The following HMCN1 variants were observed in gnomAD, a reference collection of about 807,000 sequenced individuals.
The protein encoded by HMCN1 is hemicentin 1, also known as hemicentin-1.
In HMCN1, 321 loss-of-function variants were observed where a neutral mutation model predicts 625.9. The observed-to-expected ratio is 0.51, with a 90% CI of 0.47 to 0.56. The LOEUF is 0.56. Among genes scored for constraint, HMCN1 ranks in the 20% least tolerant of loss-of-function variants. HMCN1 has a pLI of 0.00. For synonymous variants in HMCN1, 2,425 were observed against 2,417.6 expected (o/e 1.00, Z -0.09); for missense variants, 6,588 against 6,887.3 (o/e 0.96, Z 1.54).
chr1:185,988,452 A>C (rs531882219), intron 20 of HMCN1, among the ~76,000 whole-genome samples: 272 of 152,330 alleles, frequency 1.8e-3, no homozygotes, highest in Non-Finnish European at 3.2e-3. Context: ...ATCTAGTTTT[A>C]TCTATCTAAA....
At chr1:185,889,391 A>T (rs898812044) in intron 4 of HMCN1, among the ~76,000 whole-genome samples, 7 of 147,558 alleles carry the variant, frequency 4.7e-5, no homozygotes, top group Non-Finnish European at 7.4e-5. Context: ...TTGTGCCAGT[A>T]TTCAAAGGGA....
At chr1:186,117,387 A>T in intron 76 of HMCN1, 72 bp from the exon 77 acceptor site, 1 of 1,531,734 alleles carries the variant, frequency 6.5e-7, no homozygotes, top group Non-Finnish European at 9.0e-7. Flanking sequence ...AGGATGTATG[A>T]TAAGTCTTTG....
intron 1 of HMCN1, among the ~76,000 whole-genome samples, chr1:185,785,056 C>G (rs552695320): frequency 1.3e-5 from 2 of 151,510 alleles, no homozygotes; most frequent in East Asian, 1.9e-4. Context: ...TATAAATATA[C>G]CATAGCTTGT....
At chr1:186,142,185 T>G (rs1650011294) in intron 89 of HMCN1, among the ~76,000 whole-genome samples, 2 of 152,070 alleles carry the variant, frequency 1.3e-5, no homozygotes, top group Admixed American at 6.6e-5. Context: ...GCCCCAGTGT[T>G]TGTTGTTCCC....
At chr1:185,878,612 G>A (rs1205856497) in intron 4 of HMCN1, among the ~76,000 whole-genome samples, 2 of 151,996 alleles carry the variant, frequency 1.3e-5, no homozygotes, top group Non-Finnish European at 2.9e-5. Context: ...TTATCTTTTT[G>A]GTGTGCTGGT....
At chr1:185,906,951 ATTT>A (rs573094693) in intron 4 of HMCN1, among the ~76,000 whole-genome samples, 22 of 108,604 alleles carry the variant, frequency 2.0e-4, no homozygotes, top group African/African-American at 5.1e-4. Flanking sequence ...AATCCTTTCT[ATTT>A]TTTTTTTTTT....
chr1:186,142,007 C>T (rs911053642), intron 89 of HMCN1, among the ~76,000 whole-genome samples: 2 of 152,102 alleles, frequency 1.3e-5, no homozygotes, highest in African/African-American at 2.4e-5. Context: ...AATATTTTAA[C>T]TTTCATTTTA....
intron 11 of HMCN1, among the ~76,000 whole-genome samples, chr1:185,957,825 G>T (rs560617666): frequency 6.6e-6 from 1 of 152,278 alleles, no homozygotes; most frequent in African/African-American, 2.4e-5. Context: ...GATGGTTGAT[G>T]AAGTCAGTAT....
chr1:186,080,837 A>G (rs754484138), intron 55 of HMCN1, among the ~76,000 whole-genome samples: 1 of 152,114 alleles, frequency 6.6e-6, no homozygotes, highest in Non-Finnish European at 1.5e-5. Context: ...GACCATATAG[A>G]CTTAAATATC....
rs773009224 is a variant in HMCN1, at chr1:186,119,733, GT to G, written c.11957-5del. The stretch of plus-strand genomic sequence containing the variant: ...TGCTATTACTTCTTTTTGTTGATTG[GT>G]TTTTTTATAGAGCCTCCAGTCATTC... On this transcript the variant is annotated splice_polypyrimidine_tract_variant and intron_variant, in intron 78 of 106. Transcript: ENST00000271588. 10 of 1,613,444 alleles carry G rather than the reference GT, an allele frequency of 6.2e-6. No homozygotes were observed. Among genetic ancestry groups the G allele is most frequent in the Non-Finnish European group, 8.5e-6 (10 of 1,179,688 alleles).
chr1:186,112,690 A>G (rs930451292), intron 71 of HMCN1, 122 bp from the exon 72 acceptor site: 14 of 1,204,460 alleles, frequency 1.2e-5, no homozygotes, highest in African/African-American at 1.5e-5. Flanking sequence ...GGAGGAGCAG[A>G]CAAAGCATGC....
chr1:186,188,024 C>T lies in HMCN1; in HGVS notation c.16541+15C>T. ...CCTGTTTCAGGGTATGTCTTGCCTT[C>T]TCATCCCAGACATGCTTTTGAAAAT... is the stretch of plus-strand genomic sequence containing the variant. On this transcript the variant is annotated intron_variant, in intron 106 of 106. Coordinates refer to ENST00000271588, the MANE Select transcript of HMCN1 (RefSeq NM_031935.3). 3 of 1,613,728 alleles carry T rather than the reference C, an allele frequency of 1.9e-6. No individual in the cohort carries two copies. Among genetic ancestry groups the T allele is most frequent in the South Asian group, 2.2e-5 (2 of 91,084 alleles).
At position 186,075,530 on chromosome 1, in the gene HMCN1, T is replaced by G. The variant is rs185302223; in HGVS notation, c.8290+639T>G. Among the ~76,000 whole-genome samples the G allele has an allele frequency of 2.0e-3, 301 of 152,290 alleles. 11 individuals are homozygous for G. In the South Asian group the frequency reaches 0.04, roughly 20 times the overall value. ...ATTGTTTCCTCATTTGTAACATGACTGTCTTGTAGAATTGCAGTGAATACT... is the reference window on the plus strand; with the variant it reads ...ATTGTTTCCTCATTTGTAACATGACGGTCTTGTAGAATTGCAGTGAATACT... On this transcript the variant is annotated intron_variant, in intron 53 of 106. Transcript: ENST00000271588.
intron 1 of HMCN1, among the ~76,000 whole-genome samples, chr1:185,749,536 C>G (rs902094412): frequency 2.6e-5 from 4 of 152,212 alleles, no homozygotes; most frequent in African/African-American, 9.6e-5. Flanking sequence ...CGTTCCCCAT[C>G]TCAGTACAGG....
chr1:186,086,658 G>A (rs371431742), intron 58 of HMCN1, among the ~76,000 whole-genome samples: 3 of 152,130 alleles, frequency 2.0e-5, no homozygotes, highest in South Asian at 2.1e-4. Flanking sequence ...AGCTTAGAAC[G>A]GCCTAGTAAT....
chr1:186,174,506 G>A lies in HMCN1; in HGVS notation c.15815-8G>A, dbSNP rs1251883173. 6.2e-7 allele frequency: 1 copy of A among 1,613,692 alleles called. No individual in the cohort carries two copies. The highest frequency in any genetic ancestry group is 8.5e-7 in the Non-Finnish European group (1 of 1,179,692). ...AAATGTTACTTCTCATTGCCTCCAT[G>A]TCTGTAGATATTGATGAATGTAAAG... On this transcript the variant is annotated splice_region_variant and splice_polypyrimidine_tract_variant and intron_variant, in intron 102 of 106. Coordinates refer to ENST00000271588, the MANE Select transcript of HMCN1 (RefSeq NM_031935.3).
Position 186,052,945 on chromosome 1 carries a change from T to C in HMCN1, c.6578-7T>C. 1.9e-6 allele frequency: 3 copies of C among 1,599,386 alleles called. No homozygotes were observed. The highest frequency in any genetic ancestry group is 2.6e-6 in the Non-Finnish European group (3 of 1,167,394). On this transcript the variant is annotated splice_polypyrimidine_tract_variant and splice_region_variant and intron_variant, in intron 42 of 106. Transcript: ENST00000271588. ...AGTGGAAAAATCATATTTTTATTTT[T>C]TTCTAGTCCCCCCAAATATTGGTGG...
chr1:186,112,789 A>G (rs1660951275), intron 71 of HMCN1, 23 bp from the exon 72 acceptor site: 1 of 1,613,830 alleles, frequency 6.2e-7, no homozygotes, highest in East Asian at 2.2e-5. Context: ...TTAACGGCAA[A>G]TTTCTTTACT....
intron 2 of HMCN1, among the ~76,000 whole-genome samples, chr1:185,849,625 T>C (rs777103317): frequency 2.6e-5 from 4 of 152,298 alleles, no homozygotes; most frequent in Admixed American, 6.5e-5. Context: ...GATCTGCACA[T>C]AGTAATGAGC....
Sources: allele counts gnomAD v4.1 joint callset (sites outside exome capture counted in the v4.1 genomes callset), GRCh38; gene constraint gnomAD v4.1.1; transcripts MANE v1.5; gene names NCBI Gene and HGNC (gene_info 2026-07-23, HGNC 2026-07-21).